PLCB1: variants seen among roughly 807,000 people sequenced by gnomAD.
PLCB1 encodes the protein 1-phosphatidylinositol 4,5-bisphosphate phosphodiesterase beta-1.
In PLCB1, 46 loss-of-function variants were observed where a neutral mutation model predicts 161.8. The observed-to-expected ratio is 0.28, with a 90% CI of 0.22 to 0.36. The LOEUF (loss-of-function observed/expected upper bound fraction) is 0.36, where lower values mean the gene tolerates loss of function less well. PLCB1 is among the 10% of genes least tolerant of loss of function. PLCB1 has a pLI of 1.00. For missense variants in PLCB1, 1,016 were observed against 1,472.5 expected (o/e 0.69, Z 5.07); for synonymous variants, 517 against 503.7 (o/e 1.03, Z -0.35).
chr20:8,286,592 TC>T (rs1458019050), intron 2 of PLCB1, among the ~76,000 whole-genome samples: 1 of 152,228 alleles, frequency 6.6e-6, no homozygotes, highest in Non-Finnish European at 1.5e-5. Context: ...AGTACATTAA[TC>T]CTTTACAGTT....
At chr20:8,179,846 CTTTTTTTTTTTTTTTTT>C (rs35174594) in intron 2 of PLCB1, among the ~76,000 whole-genome samples, 3 of 71,402 alleles carry the variant, frequency 4.2e-5, no homozygotes, top group African/African-American at 5.4e-5. Context: ...TTGTTGAGGG[CTTTTTTTTTTTTTTTTT>C]TTTTTTTTTT....
At chr20:8,397,968 A>G (rs914836532) in intron 3 of PLCB1, among the ~76,000 whole-genome samples, 5 of 151,920 alleles carry the variant, frequency 3.3e-5, no homozygotes, top group Admixed American at 6.6e-5. Context: ...TTCAGGATAA[A>G]TTCCTAGATT....
intron 2 of PLCB1, among the ~76,000 whole-genome samples, chr20:8,259,090 G>A (rs1161392894): frequency 6.6e-6 from 1 of 152,082 alleles, no homozygotes; most frequent in African/African-American, 2.4e-5. Context: ...ATTTATCCAT[G>A]TATCAGTGAT....
At chr20:8,374,005 A>C (rs1441097882) in intron 3 of PLCB1, among the ~76,000 whole-genome samples, 1 of 152,190 alleles carries the variant, frequency 6.6e-6, no homozygotes, top group Admixed American at 6.5e-5. Context: ...TCCACTGCTC[A>C]GTTAATGTCA....
chr20:8,383,209 C>G (rs1288972974), intron 3 of PLCB1, among the ~76,000 whole-genome samples: 1 of 152,156 alleles, frequency 6.6e-6, no homozygotes, highest in South Asian at 2.1e-4. Context: ...TTTTATGAAC[C>G]TGGATGCTCC....
chr20:8,764,862 C>G (rs6056077), intron 25 of PLCB1, among the ~76,000 whole-genome samples: 1 of 152,160 alleles, frequency 6.6e-6, no homozygotes, highest in African/African-American at 2.4e-5. Flanking sequence ...TCACGTGCAC[C>G]TGAATCCCCA....
At chr20:8,517,503 G>A (rs1984179350) in intron 3 of PLCB1, among the ~76,000 whole-genome samples, 1 of 152,150 alleles carries the variant, frequency 6.6e-6, no homozygotes, top group Admixed American at 6.5e-5. Flanking sequence ...TAGCCCAGTG[G>A]CAGTGGGCTG....
intron 31 of PLCB1, among the ~76,000 whole-genome samples, chr20:8,840,795 T>A (rs6086631): frequency 9.5e-4 from 144 of 152,216 alleles, no homozygotes; most frequent in Non-Finnish European, 1.7e-3. Context: ...CCCCCCTTTT[T>A]AAATTTGAAA....
intron 12 of PLCB1, among the ~76,000 whole-genome samples, chr20:8,712,101 G>A (rs1160391426): frequency 6.6e-6 from 1 of 152,124 alleles, no homozygotes; most frequent in Non-Finnish European, 1.5e-5. Context: ...AGGAGATCGA[G>A]ACCATCCTGG....
intron 31 of PLCB1, among the ~76,000 whole-genome samples, chr20:8,857,792 T>C (rs1036134904): frequency 1.3e-5 from 2 of 152,192 alleles, no homozygotes; most frequent in African/African-American, 4.8e-5. Context: ...GTGGTCTAGA[T>C]CTGCCTTTTT....
chr20:8,175,447 C>G (rs990435515), intron 2 of PLCB1, among the ~76,000 whole-genome samples: 1 of 107,924 alleles, frequency 9.3e-6, no homozygotes, highest in Non-Finnish European at 1.9e-5. Flanking sequence ...TATTCATAGG[C>G]AAAAAATAAG....
intron 3 of PLCB1, among the ~76,000 whole-genome samples, chr20:8,626,623 A>AT (rs1334825050): frequency 6.6e-6 from 1 of 152,066 alleles, no homozygotes. Flanking sequence ...ATCTCCAAAT[A>AT]TTTTCCCACT....
At chr20:8,658,817 G>A in intron 9 of PLCB1, 113 bp downstream of exon 9, 1 of 866,182 alleles carries the variant, frequency 1.2e-6, no homozygotes. Context: ...TGTTTACAAG[G>A]CATTCCTTTC....
Position 8,331,839 on chromosome 20 carries a change from A to G in PLCB1, c.178-39543A>G, listed in dbSNP as rs116248504. ...TGTGGATTTTTTGTGTTTGCTTCAT[A>G]TGGCTTAATATCACTTCACTCTGCA... On this transcript the variant is annotated intron_variant, in intron 2 of 31. Transcript: ENST00000338037. 3.7e-3 allele frequency among the ~76,000 whole-genome samples: 566 copies of G among 152,346 alleles called. 2 individuals are homozygous for G. The highest frequency in any genetic ancestry group is 0.013 in the African/African-American group (525 of 41,578).
chr20:8,733,653 C>T (rs772382952), intron 19 of PLCB1, among the ~76,000 whole-genome samples: 134 of 144,958 alleles, frequency 9.2e-4, no homozygotes, highest in African/African-American at 3.0e-3. Context: ...GTGGGGGGAG[C>T]GGGGAGGGAT....
chr20:8,296,739 T>C (rs1983648619), intron 2 of PLCB1, among the ~76,000 whole-genome samples: 1 of 152,136 alleles, frequency 6.6e-6, no homozygotes, highest in South Asian at 2.1e-4. Context: ...CAGCACTGTG[T>C]GATGTAAATG....
intron 3 of PLCB1, among the ~76,000 whole-genome samples, chr20:8,422,927 A>AT (rs1016725088): frequency 6.6e-6 from 1 of 152,218 alleles, no homozygotes; most frequent in Non-Finnish European, 1.5e-5. Context: ...AATGGCAATG[A>AT]TAAAAATATT....
intron 2 of PLCB1, among the ~76,000 whole-genome samples, chr20:8,284,579 A>G (rs1284094194): frequency 6.6e-6 from 1 of 152,156 alleles, no homozygotes; most frequent in Non-Finnish European, 1.5e-5. Context: ...CTCTGCAAAA[A>G]GAAAAGAAAA....
rs574280124 is a variant in PLCB1 at position 8,426,738 on chromosome 20, AT to A, written c.246+55291del. Among the ~76,000 whole-genome samples, 6 of 152,290 alleles carry A rather than the reference AT, an allele frequency of 3.9e-5. No homozygotes were observed. In the East Asian group the frequency reaches 1.2e-3, roughly 29 times the overall value. Reference sequence around the variant, plus strand: ...ACCATGTGAGATGATAGATATGTTAATTTGCTTTAAAGTAGCAATGATTTTA... The same window carrying A: ...ACCATGTGAGATGATAGATATGTTAATTGCTTTAAAGTAGCAATGATTTTA... On this transcript the variant is annotated intron_variant, in intron 3 of 31. Transcript: ENST00000338037.
Sources: allele counts gnomAD v4.1 joint callset (sites outside exome capture counted in the v4.1 genomes callset), GRCh38; gene constraint gnomAD v4.1.1; transcripts MANE v1.5; gene names NCBI Gene and HGNC (gene_info 2026-07-23, HGNC 2026-07-21).